Variants in UTP4 observed in about 807,000 individuals in gnomAD.
UTP4 encodes the protein UTP4 small subunit processome component, also known as U3 small nucleolar RNA-associated protein 4 homolog.
In UTP4, 45 loss-of-function variants were observed where a neutral mutation model predicts 82.4. The observed-to-expected ratio is 0.55, with a 90% CI of 0.43 to 0.70. The LOEUF (loss-of-function observed/expected upper bound fraction) is 0.70, where lower values mean the gene tolerates loss of function less well. Ranked by LOEUF, UTP4 falls within the 30% of genes least tolerant of loss-of-function variation. UTP4 has a pLI of 0.00. For synonymous variants in UTP4, 348 were observed against 300.3 expected (o/e 1.16, Z -1.64); for missense variants, 819 against 858.3 (o/e 0.95, Z 0.57).
Position 69,160,433 on chromosome 16 carries a change from G to A in UTP4, c.1522G>A (p.Val508Ile). ...WLAASGTSAG[V>I]HVYNVKQLKL... Reference sequence around the variant, plus strand: ...AGCTGCATCAGGTACCAGTGCTGGAGTCCATGTCTACAACGTAAAACAGCT... The same window carrying A: ...AGCTGCATCAGGTACCAGTGCTGGAATCCATGTCTACAACGTAAAACAGCT... The change falls in exon 13 of 17, where the codon GTC becomes ATC. Residue 508 changes from valine (V) to isoleucine (I), a missense_variant. Val to Ile is a conservative substitution (Grantham distance 29, BLOSUM62 3). Coordinates refer to ENST00000314423, the MANE Select transcript of UTP4 (RefSeq NM_032830.3). The A allele has an allele frequency of 6.2e-7, 1 of 1,614,084 alleles. No individual in the cohort carries two copies.
At chr16:69,134,525 C>T (rs1026579693) in intron 2 of UTP4, among the ~76,000 whole-genome samples, 1 of 149,946 alleles carries the variant, frequency 6.7e-6, no homozygotes, top group Non-Finnish European at 1.5e-5. Flanking sequence ...GAATTGCCTT[C>T]CCTGAGAGGT....
At chr16:69,148,399 A>G (rs1192051058) in intron 6 of UTP4, among the ~76,000 whole-genome samples, 1 of 142,376 alleles carries the variant, frequency 7.0e-6, no homozygotes, top group Non-Finnish European at 1.5e-5. Context: ...GCCCGGCCTA[A>G]TTTTTGTATT....
chr16:69,157,007 A>G (rs1963433827), intron 11 of UTP4, 77 bp from the exon 12 acceptor site: 1 of 1,493,922 alleles, frequency 6.7e-7, no homozygotes, highest in Admixed American at 1.7e-5. Flanking sequence ...AATGTACCTT[A>G]AGCCTAGCTG....
At chr16:69,151,496 AT>A (rs1247052348) in intron 8 of UTP4, among the ~76,000 whole-genome samples, 1 of 148,626 alleles carries the variant, frequency 6.7e-6, no homozygotes, top group Non-Finnish European at 1.5e-5. Context: ...TAATTTTTTT[AT>A]TTTTAGTAGA....
chr16:69,153,775 G>A, intron 9 of UTP4, 95 bp downstream of exon 9: 1 of 821,308 alleles, frequency 1.2e-6, no homozygotes, highest in East Asian at 2.6e-5. Context: ...AAAAACTGAA[G>A]TAGACTTTTG....
rs780023575 is a variant in UTP4 at position 69,133,412 on chromosome 16, A to G, written c.-2-46A>G. The G allele has an allele frequency of 3.2e-6, 5 of 1,555,772 alleles. No individual in the cohort carries two copies. The African/African-American group carries it at 5.4e-5, about 17-fold the overall frequency. ...AGGAACTGAATACTATATGTGACAT[A>G]CTGCAGTTAACATATAGCAATAATG... On this transcript the variant is annotated intron_variant, in intron 1 of 16. Coordinates refer to ENST00000314423, the MANE Select transcript of UTP4 (RefSeq NM_032830.3).
intron 15 of UTP4, 193 bp downstream of exon 15, chr16:69,165,719 C>A: frequency 1.5e-6 from 1 of 659,534 alleles, no homozygotes; most frequent in Non-Finnish European, 2.7e-6. Flanking sequence ...TCCCACAGTT[C>A]TTCGGGAGGC....
chr16:69,163,217 G>A (rs1343863422), intron 14 of UTP4, 39 bp downstream of exon 14: 2 of 1,505,500 alleles, frequency 1.3e-6, no homozygotes, highest in Non-Finnish European at 1.9e-6. Context: ...CCTTCCTGCT[G>A]GATAGTAACC....
chr16:69,151,132 G>A (rs910933265), intron 8 of UTP4, among the ~76,000 whole-genome samples: 5 of 151,088 alleles, frequency 3.3e-5, no homozygotes, highest in Non-Finnish European at 5.9e-5. Flanking sequence ...TCAGCCTCCC[G>A]AGTAGCTGGG....
intron 13 of UTP4, among the ~76,000 whole-genome samples, chr16:69,160,844 C>T (rs948766719): frequency 6.6e-6 from 1 of 152,080 alleles, no homozygotes; most frequent in Non-Finnish European, 1.5e-5. Context: ...AATCCGCCCA[C>T]CTCGGCCTCC....
At chr16:69,147,469 C>T (rs2152279441) in intron 6 of UTP4, among the ~76,000 whole-genome samples, 1 of 152,296 alleles carries the variant, frequency 6.6e-6, no homozygotes, top group East Asian at 1.9e-4. Flanking sequence ...CACCCCGCTG[C>T]ACTCCAGCCT....
In UTP4 at chr16:69,168,806, A is replaced by G; in HGVS notation, c.1945-15A>G. The G allele has an allele frequency of 6.6e-7, 1 of 1,508,566 alleles. No homozygotes were observed. Among genetic ancestry groups the G allele is most frequent in the Non-Finnish European group, 9.2e-7 (1 of 1,083,670 alleles). 93.4% of individuals were successfully genotyped at this position (1,508,566 alleles called of 1,614,324 possible). The stretch of plus-strand genomic sequence containing the variant: ...GATCCTAAGTCCTGATAGAATAATT[A>G]TCATCCCTCTGCAGCCTCTACTCTT... On this transcript the variant is annotated splice_polypyrimidine_tract_variant and intron_variant, in intron 16 of 16. Transcript: ENST00000314423.
intron 2 of UTP4, 56 bp from the exon 3 acceptor site, chr16:69,136,640 A>G (rs1962820916): frequency 3.2e-6 from 5 of 1,546,160 alleles, no homozygotes; most frequent in Non-Finnish European, 4.5e-6. Flanking sequence ...GTGACCACTC[A>G]GTACCGGTAC....
intron 6 of UTP4, among the ~76,000 whole-genome samples, 175 bp downstream of exon 6, chr16:69,143,564 T>C (rs773212924): frequency 1.1e-4 from 17 of 152,162 alleles, no homozygotes; most frequent in Non-Finnish European, 1.0e-4. Context: ...TACCTAACAA[T>C]TGGTTAGAGA....
At position 69,143,313 on chromosome 16, in the gene UTP4, G is replaced by C; in HGVS notation, c.662G>C (p.Trp221Ser). 6.2e-7 allele frequency: 1 copy of C among 1,614,158 alleles called. No homozygotes were observed. Among genetic ancestry groups the C allele is most frequent in the Non-Finnish European group, 8.5e-7 (1 of 1,180,016 alleles). ...GACTCTGCTGGGAAGGTGCAGTTCT[G>C]GGACTCAGCCACTGGGACGCTTGTG... ...SVDSAGKVQFWDSATGTLVKS... is the reference protein window; with the variant it reads ...SVDSAGKVQFSDSATGTLVKS... Residue 221 changes from tryptophan to serine, a missense_variant, in exon 6 of 17, where the codon TGG becomes TCG. By Grantham distance (177) the Trp-to-Ser change is radical. Transcript: ENST00000314423.
intron 2 of UTP4, among the ~76,000 whole-genome samples, chr16:69,133,954 G>A (rs1962732543): frequency 6.6e-6 from 1 of 152,128 alleles, no homozygotes; most frequent in Admixed American, 6.6e-5. Context: ...TTTCCTGCAG[G>A]GAGTATCAGT....
At chr16:69,142,225 T>A (rs1320001964) in intron 5 of UTP4, 1 of 152,274 alleles carries the variant, frequency 6.6e-6, no homozygotes, top group Non-Finnish European at 1.5e-5. Flanking sequence ...GGGGTAGCCC[T>A]GAAGCCAGAA....
At chr16:69,168,050 A>G (rs1429857043) in intron 16 of UTP4, among the ~76,000 whole-genome samples, 1 of 151,958 alleles carries the variant, frequency 6.6e-6, no homozygotes, top group Non-Finnish European at 1.5e-5. Flanking sequence ...CTTGCTTAAC[A>G]TTGATTCTTG....
chr16:69,147,938 TG>T (rs1468728074), intron 6 of UTP4, among the ~76,000 whole-genome samples: 1 of 152,008 alleles, frequency 6.6e-6, no homozygotes, highest in Non-Finnish European at 1.5e-5. Context: ...GTCTAATTTT[TG>T]TTTTGTTGTT....
Sources: gnomAD v4.1 joint callset for allele counts (sites outside exome capture counted in the v4.1 genomes callset) on GRCh38, gnomAD v4.1.1 for gene constraint, MANE v1.5 for transcripts, NCBI Gene and HGNC (gene_info 2026-07-23, HGNC 2026-07-21) for gene names.